TUNAR: variants seen among roughly 807,000 people sequenced by gnomAD.
TUNAR encodes the protein protein TUNAR.
At chr14:95,911,551 C>T (rs1483049349) in intron 2 of TUNAR, among the ~76,000 whole-genome samples, 3 of 152,166 alleles carry the variant, frequency 2.0e-5, no homozygotes, top group Non-Finnish European at 4.4e-5. Context: ...CCTCTGTGTT[C>T]TGGCCTCATC....
intron 2 of TUNAR, among the ~76,000 whole-genome samples, chr14:95,893,930 C>T (rs1427853521): frequency 6.6e-6 from 1 of 152,252 alleles, no homozygotes; most frequent in African/African-American, 2.4e-5. Flanking sequence ...AATAGCCTTG[C>T]AGAAATGTAC....
intron 2 of TUNAR, among the ~76,000 whole-genome samples, chr14:95,914,935 A>G (rs573542585): frequency 2.6e-5 from 4 of 152,342 alleles, no homozygotes; most frequent in East Asian, 1.9e-4. Context: ...GCTCCCTTGC[A>G]GAGGATAACA....
exon 2 of TUNAR, chr14:95,877,105 C>T (rs1459122796): frequency 2.0e-5 from 3 of 152,232 alleles, no homozygotes; most frequent in Non-Finnish European, 2.9e-5. Context: ...CTCCGGCGCT[C>T]CGGGTCCGGG....
chr14:95,924,609 A>G (rs1408275814), exon 3 of TUNAR: 1 of 152,292 alleles, frequency 6.6e-6, no homozygotes, highest in Non-Finnish European at 1.5e-5. Context: ...GGTGAAAGGC[A>G]CGTCTCACAT....
chr14:95,888,710 C>G (rs949948716), intron 2 of TUNAR, among the ~76,000 whole-genome samples: 1 of 152,180 alleles, frequency 6.6e-6, no homozygotes. Flanking sequence ...GTGTCTGTCT[C>G]TATCCTCTTT....
chr14:95,886,930 G>T (rs1007889823), intron 2 of TUNAR, among the ~76,000 whole-genome samples: 3 of 152,152 alleles, frequency 2.0e-5, no homozygotes, highest in African/African-American at 7.2e-5. Context: ...CAGGGGGCTG[G>T]GCATGACCCC....
At chr14:95,914,021 G>A (rs543484546) in intron 2 of TUNAR, among the ~76,000 whole-genome samples, 93 of 152,350 alleles carry the variant, frequency 6.1e-4, no homozygotes, top group South Asian at 5.4e-3. Flanking sequence ...GTGAGCCACC[G>A]TGCCCAGCCC....
At chr14:95,877,383 A>G (rs189569473) in intron 2 of TUNAR, among the ~76,000 whole-genome samples, 2,929 of 152,180 alleles carry the variant, frequency 0.019, 92 homozygotes, top group African/African-American at 0.067. Flanking sequence ...TGCCTTCTGG[A>G]GAAAGATGTG....
intron 2 of TUNAR, among the ~76,000 whole-genome samples, chr14:95,910,838 G>A (rs1889500809): frequency 6.6e-6 from 1 of 152,218 alleles, no homozygotes; most frequent in East Asian, 1.9e-4. Flanking sequence ...GTCACTCAGA[G>A]GCTCCCAGCT....
intron 2 of TUNAR, among the ~76,000 whole-genome samples, chr14:95,917,985 C>T (rs1889633388): frequency 6.6e-6 from 1 of 151,766 alleles, no homozygotes; most frequent in South Asian, 2.1e-4. Flanking sequence ...CACCCAGCCC[C>T]TGGCAGGAAG....
intron 2 of TUNAR, among the ~76,000 whole-genome samples, chr14:95,898,613 T>C (rs1889300463): frequency 6.6e-6 from 1 of 152,234 alleles, no homozygotes; most frequent in African/African-American, 2.4e-5. Flanking sequence ...TTTTCTGGTT[T>C]GTCATTTTGC....
intron 2 of TUNAR, among the ~76,000 whole-genome samples, chr14:95,902,221 G>T (rs1889366720): frequency 6.6e-6 from 1 of 151,848 alleles, no homozygotes; most frequent in Admixed American, 6.6e-5. Flanking sequence ...TTTAACCCCT[G>T]TTAGTCTGGA....
chr14:95,880,035 C>T (rs1304131074), intron 2 of TUNAR, among the ~76,000 whole-genome samples: 1 of 152,136 alleles, frequency 6.6e-6, no homozygotes, highest in Admixed American at 6.5e-5. Context: ...GGCCAGGAAA[C>T]CTGGGGTTTA....
At chr14:95,923,206 T>A (rs1390993384) in exon 3 of TUNAR, 1 of 350,796 alleles carries the variant, frequency 2.9e-6, no homozygotes, top group Non-Finnish European at 5.1e-6. Flanking sequence ...ACTCAACGTC[T>A]TTGGCAGGGG....
intron 2 of TUNAR, among the ~76,000 whole-genome samples, chr14:95,906,435 G>A (rs1166666648): frequency 6.6e-6 from 1 of 152,038 alleles, no homozygotes. Flanking sequence ...TTCCCCAACA[G>A]CAAGAAACTC....
At chr14:95,896,327 T>C (rs1232897007) in intron 2 of TUNAR, among the ~76,000 whole-genome samples, 1 of 152,120 alleles carries the variant, frequency 6.6e-6, no homozygotes, top group Non-Finnish European at 1.5e-5. Flanking sequence ...GAAACTGAGG[T>C]AGAACCCCAG....
chr14:95,922,708 C>G, intron 2 of TUNAR, 73 bp from the exon 2 acceptor site: 1 of 397,648 alleles, frequency 2.5e-6, no homozygotes, highest in Non-Finnish European at 4.4e-6. Flanking sequence ...TCACTACCCA[C>G]TACAGATCTG....
intron 2 of TUNAR, among the ~76,000 whole-genome samples, chr14:95,894,308 T>C (rs1362765565): frequency 6.6e-6 from 1 of 152,240 alleles, no homozygotes. Context: ...CGAGCTCTCA[T>C]TGAACACACG....
At chr14:95,909,644 C>A (rs907936689) in intron 2 of TUNAR, among the ~76,000 whole-genome samples, 1 of 152,158 alleles carries the variant, frequency 6.6e-6, no homozygotes, top group East Asian at 1.9e-4. Flanking sequence ...CCCTACCCCC[C>A]ATCTCAGCTG....
Sources: gnomAD v4.1 joint callset for allele counts (sites outside exome capture counted in the v4.1 genomes callset) on GRCh38, gnomAD v4.1.1 for gene constraint, MANE v1.5 for transcripts, NCBI Gene and HGNC (gene_info 2026-07-23, HGNC 2026-07-21) for gene names.